The following SOCS6 variants were observed in gnomAD, a reference collection of about 807,000 sequenced individuals.
The protein encoded by SOCS6 is STAT induced STAT inhibitor-4.
SOCS6 carries 5 observed loss-of-function variants against 27.7 expected under a neutral mutation model. The observed-to-expected ratio is 0.18, with a 90% CI of 0.09 to 0.38. The LOEUF is 0.38. Ranked by LOEUF, SOCS6 falls within the 10% of genes least tolerant of loss-of-function variation. The pLI is 1.00. For synonymous variants in SOCS6, 271 were observed against 260.0 expected, an observed-to-expected ratio of 1.04 and a Z score of -0.41; for missense variants, 595 against 688.1, an observed-to-expected ratio of 0.86 and a Z score of 1.51.
intron 1 of SOCS6, among the ~76,000 whole-genome samples, chr18:70,316,178 T>A (rs1157713983): frequency 6.6e-6 from 1 of 152,178 alleles, no homozygotes; most frequent in Non-Finnish European, 1.5e-5. Context: ...TATGTTAGTA[T>A]ACATTTGTGT....
chr18:70,306,691 C>A (rs2146274875), intron 1 of SOCS6, among the ~76,000 whole-genome samples: 1 of 152,160 alleles, frequency 6.6e-6, no homozygotes, highest in East Asian at 1.9e-4. Context: ...AGCCCTTCAG[C>A]ATTAAGTATG....
chr18:70,298,421 ATATATAGG>A (rs1413798190), intron 1 of SOCS6, among the ~76,000 whole-genome samples: 1 of 152,198 alleles, frequency 6.6e-6, no homozygotes, highest in Non-Finnish European at 1.5e-5. Context: ...AGCTATAATC[ATATATAGG>A]TGAATGGTAT....
Position 70,329,567 on chromosome 18 carries a change from T to C in SOCS6, c.*3291T>C, listed in dbSNP as rs1343891338. 4 of 167,126 alleles carry C rather than the reference T, an allele frequency of 2.4e-5. No individual in the cohort carries two copies. Among genetic ancestry groups the C allele is most frequent in the Non-Finnish European group, 5.9e-5 (4 of 68,122 alleles). 10.4% of individuals were successfully genotyped at this position (167,126 alleles called of 1,614,324 possible). A position where few individuals can be genotyped will look rare whatever the true frequency, so the allele number is the denominator to read the frequency against. Reference sequence around the variant, plus strand: ...CTGCTTTATGAATGAATCGGAATAATACATTTTCATTTAAATCTTAATTGC... The same window carrying C: ...CTGCTTTATGAATGAATCGGAATAACACATTTTCATTTAAATCTTAATTGC... On this transcript the variant is annotated 3_prime_UTR_variant, in exon 2 of 2. Coordinates refer to ENST00000397942, the MANE Select transcript of SOCS6 (RefSeq NM_004232.4).
intron 1 of SOCS6, among the ~76,000 whole-genome samples, chr18:70,299,276 G>A (rs907356494): frequency 5.3e-5 from 8 of 152,088 alleles, no homozygotes; most frequent in Admixed American, 2.6e-4. Context: ...ACTTCTGACC[G>A]ACTGGCTACA....
chr18:70,325,890 G>A lies in SOCS6; in HGVS notation c.1222G>A (p.Val408Ile). 3 of 1,614,174 alleles carry A rather than the reference G, an allele frequency of 1.9e-6. No homozygotes were observed. Among genetic ancestry groups the A allele is most frequent in the Non-Finnish European group, 2.5e-6 (3 of 1,180,008 alleles). Residue 408 changes from valine (V) to isoleucine (I), a missense_variant, in exon 2 of 2, where the codon GTT becomes ATT. Coordinates refer to ENST00000397942, the MANE Select transcript of SOCS6 (RefSeq NM_004232.4). This position sits in a 1 kb window ranked among gnomAD's most constrained non-coding sequence, Gnocchi z 6.3. ...AAACGTGCCAGATGGTTCTTTTCTT[G>A]TTCGGGACAGTTCTGACGACCGTTA... Reference protein sequence around the residue: ...LANVPDGSFLVRDSSDDRYLL... With the variant: ...LANVPDGSFLIRDSSDDRYLL...
intron 1 of SOCS6, among the ~76,000 whole-genome samples, chr18:70,301,898 G>A (rs563494222): frequency 6.6e-6 from 1 of 152,290 alleles, no homozygotes; most frequent in Admixed American, 6.5e-5. Flanking sequence ...GATTAGGACT[G>A]TGAATTCACG....
At chr18:70,295,547 T>A (rs2146260832) in intron 1 of SOCS6, among the ~76,000 whole-genome samples, 1 of 152,314 alleles carries the variant, frequency 6.6e-6, no homozygotes, top group South Asian at 2.1e-4. Flanking sequence ...TGTATTACCA[T>A]CCCTCAGACA....
intron 1 of SOCS6, among the ~76,000 whole-genome samples, chr18:70,323,607 C>T (rs1362383259): frequency 5.3e-5 from 8 of 152,100 alleles, no homozygotes; most frequent in Non-Finnish European, 1.0e-4. Context: ...TCAACCTGCG[C>T]GCATTGAGCT....
rs1320348005 is a variant in SOCS6 at position 70,325,823 on chromosome 18, C to T, written c.1155C>T (p.Tyr385=). Residue 385 remains tyrosine (Y), a synonymous_variant, in exon 2 of 2, where the codon TAC becomes TAT. Coordinates refer to ENST00000397942, the MANE Select transcript of SOCS6 (RefSeq NM_004232.4). This position sits in a 1 kb window ranked among gnomAD's most constrained non-coding sequence, Gnocchi z 6.3. ...AAAAACTTGCAAAGCAAGGATGGTA[C>T]TGGGGACCAATCACACGTTGGGAGG... ...ELKKLAKQGW[Y]WGPITRWEAE... 7 of 1,614,126 alleles carry T rather than the reference C, an allele frequency of 4.3e-6. No individual in the cohort carries two copies. The highest frequency in any genetic ancestry group is 5.1e-6 in the Non-Finnish European group (6 of 1,180,054).
At chr18:70,311,963 A>T (rs2062392413) in intron 1 of SOCS6, among the ~76,000 whole-genome samples, 3 of 151,102 alleles carry the variant, frequency 2.0e-5, no homozygotes, top group African/African-American at 7.3e-5. Context: ...CAAGTTCCTT[A>T]ACCTCTCTGT....
rs769821875 is a variant in SOCS6, at chr18:70,325,410, A to G, written c.742A>G (p.Met248Val). 1 of 1,614,214 alleles carries G rather than the reference A, an allele frequency of 6.2e-7. No individual in the cohort carries two copies. Among genetic ancestry groups the G allele is most frequent in the Non-Finnish European group, 8.5e-7 (1 of 1,180,046 alleles). ...RSYCLDSSSPMEVSAVPPQVG... is the reference protein window; with the variant it reads ...RSYCLDSSSPVEVSAVPPQVG... ...CTATTGTCTGGACAGCTCTTCTCCC[A>G]TGGAAGTCTCTGCGGTTCCTCCTCA... The change falls in exon 2 of 2, where the codon ATG becomes GTG. Residue 248 changes from methionine (M) to valine (V), a missense_variant. Physicochemically the swap from Met to Val is conservative, Grantham distance 21 (BLOSUM62 1). Transcript: ENST00000397942. The surrounding 1 kb of genome is among the most constrained non-coding windows in gnomAD (Gnocchi z 6.3).
chr18:70,329,009 G>C lies in SOCS6; in HGVS notation c.*2733G>C, dbSNP rs979610046. 4 of 166,988 alleles carry C rather than the reference G, an allele frequency of 2.4e-5. No homozygotes were observed. The highest frequency in any genetic ancestry group is 9.7e-5 in the African/African-American group (4 of 41,436). 10.3% of individuals were successfully genotyped at this position (166,988 alleles called of 1,614,324 possible). A position where few individuals can be genotyped will look rare whatever the true frequency, so the allele number is the denominator to read the frequency against. ...GCAAGAAAAAGAAAACAGGAAAGCT[G>C]TATCCATTTGCCATAATAGATGAAT... On this transcript the variant is annotated 3_prime_UTR_variant, in exon 2 of 2. Transcript: ENST00000397942.
chr18:70,304,210 C>T lies in SOCS6; in HGVS notation c.-127+15120C>T, dbSNP rs573821490. On this transcript the variant is annotated intron_variant, in intron 1 of 1. Coordinates refer to ENST00000397942, the MANE Select transcript of SOCS6 (RefSeq NM_004232.4). Reference sequence around the variant, plus strand: ...AGGTACTAGAAAAAGAATAAAAAGTCAAGATACAAGGTCAATGCAACAGTA... The same window carrying T: ...AGGTACTAGAAAAAGAATAAAAAGTTAAGATACAAGGTCAATGCAACAGTA... Among the ~76,000 whole-genome samples, 6 of 149,294 alleles carry T rather than the reference C, an allele frequency of 4.0e-5. No homozygotes were observed. In the South Asian group the frequency reaches 1.3e-3, roughly 32 times the overall value.
intron 1 of SOCS6, among the ~76,000 whole-genome samples, chr18:70,301,069 G>T (rs1350110557): frequency 6.6e-6 from 1 of 152,192 alleles, no homozygotes; most frequent in Non-Finnish European, 1.5e-5. Context: ...AGTGTGAAAT[G>T]TCTGAGATTT....
intron 1 of SOCS6, among the ~76,000 whole-genome samples, chr18:70,297,456 G>T (rs2062329380): frequency 6.6e-6 from 1 of 151,984 alleles, no homozygotes; most frequent in South Asian, 2.1e-4. Flanking sequence ...TTAAATAAAA[G>T]TAGTGTTTTC....
In SOCS6 at chr18:70,327,604, G is replaced by C. The variant is rs559267705; in HGVS notation, c.*1328G>C. ...ATAATTTTATCTCCTTGAGTCGGTT[G>C]TTGGGGAGAGATGTTATATTCAATA... is the stretch of plus-strand genomic sequence containing the variant. On this transcript the variant is annotated 3_prime_UTR_variant, in exon 2 of 2. Coordinates refer to ENST00000397942, the MANE Select transcript of SOCS6 (RefSeq NM_004232.4). 2 of 166,998 alleles carry C rather than the reference G, an allele frequency of 1.2e-5. No homozygotes were observed. Among genetic ancestry groups the C allele is most frequent in the Non-Finnish European group, 2.9e-5 (2 of 68,102 alleles). 10.3% of individuals were successfully genotyped at this position (166,998 alleles called of 1,614,324 possible). A position where few individuals can be genotyped will look rare whatever the true frequency, so the allele number is the denominator to read the frequency against.
intron 1 of SOCS6, chr18:70,296,699 TC>T (rs1345684480): frequency 6.6e-6 from 1 of 152,206 alleles, no homozygotes; most frequent in African/African-American, 2.4e-5. Context: ...CCATTTCTTT[TC>T]CCCCTGGAAG....
Position 70,326,185 on chromosome 18 carries a change from T to C in SOCS6, c.1517T>C (p.Phe506Ser). 1.2e-6 allele frequency: 2 copies of C among 1,614,244 alleles called. No homozygotes were observed. The highest frequency in any genetic ancestry group is 1.1e-5 in the South Asian group (1 of 91,088). ...QVRSLQYLCR[F>S]VIRQYTRIDL... Reference sequence around the variant, plus strand: ...CGCTCGTTGCAGTACCTGTGTCGTTTTGTTATACGTCAGTATACCAGAATA... The same window carrying C: ...CGCTCGTTGCAGTACCTGTGTCGTTCTGTTATACGTCAGTATACCAGAATA... Residue 506 changes from phenylalanine (F) to serine (S), a missense_variant, in exon 2 of 2, where the codon TTT becomes TCT. Phe to Ser is a radical substitution (Grantham distance 155). This residue lies in a region of SOCS6 where 128 missense variants were observed against 207.0 expected (regional missense o/e 0.62). Coordinates refer to ENST00000397942, the MANE Select transcript of SOCS6 (RefSeq NM_004232.4).
intron 1 of SOCS6, among the ~76,000 whole-genome samples, chr18:70,318,660 G>T (rs1910858682): frequency 6.6e-6 from 1 of 151,336 alleles, no homozygotes; most frequent in African/African-American, 2.4e-5. Context: ...CTTCTAGGCC[G>T]GACGTGGTGG....
Sources: allele counts gnomAD v4.1 joint callset (sites outside exome capture counted in the v4.1 genomes callset), GRCh38; gene constraint gnomAD v4.1.1; regional missense constraint gnomAD v4.1.1; non-coding constraint Gnocchi (gnomAD v3.1); transcripts MANE v1.5; gene names NCBI Gene and HGNC (gene_info 2026-07-23, HGNC 2026-07-21).